The following SERPINB3 variants were observed in gnomAD, a reference collection of about 807,000 sequenced individuals.
SERPINB3 encodes the protein serpin family B member 3.
In SERPINB3, 33 loss-of-function variants were observed where a neutral mutation model predicts 33.0. The observed-to-expected ratio is 1.00, with a 90% CI of 0.76 to 1.34. SERPINB3 has a LOEUF of 1.34. Among genes scored for constraint, SERPINB3 ranks in the 40% most tolerant of loss-of-function variants. SERPINB3 has a pLI of 0.00. For missense variants in SERPINB3, 518 were observed against 461.5 expected (o/e 1.12, Z -1.12); for synonymous variants, 200 against 170.9 (o/e 1.17, Z -1.33).
At chr18:63,660,647 G>A (rs1166616429) in intron 3 of SERPINB3, 153 bp downstream of exon 3, 2 of 805,436 alleles carry the variant, frequency 2.5e-6, no homozygotes, top group Admixed American at 2.4e-5. Context: ...TAATAATTAT[G>A]TGCCATGAAA....
At chr18:63,656,355 T>G (rs557720867) in intron 7 of SERPINB3, among the ~76,000 whole-genome samples, 1 of 152,308 alleles carries the variant, frequency 6.6e-6, no homozygotes, top group South Asian at 2.1e-4. Flanking sequence ...TACATTATTT[T>G]GTACACAATG....
intron 3 of SERPINB3, among the ~76,000 whole-genome samples, chr18:63,660,342 C>T (rs772451860): frequency 6.6e-6 from 1 of 152,072 alleles, no homozygotes; most frequent in Non-Finnish European, 1.5e-5. Flanking sequence ...TATTTTGCAA[C>T]ATTATTGTGA....
Position 63,659,464 on chromosome 18 carries a change from T to C in SERPINB3, c.286A>G (p.Thr96Ala), listed in dbSNP as rs1407061153. The C allele has an allele frequency of 3.7e-6, 6 of 1,613,482 alleles. No individual in the cohort carries two copies. The highest frequency in any genetic ancestry group is 4.5e-5 in the East Asian group (2 of 44,880). Residue 96 changes from threonine (T) to alanine (A), a missense_variant, in exon 4 of 8, where the codon ACT becomes GCT. Thr to Ala is a moderately conservative substitution (Grantham distance 58, BLOSUM62 0). Transcript: ENST00000283752. ...GCGATCTTCAGCTCATATGCATCAG[T>C]GGATTTGTTGAATTCAGTCAGAAGC... ...QKLLTEFNKS[T>A]DAYELKIANK... is the part of the protein sequence containing the mutation.
chr18:63,657,799 G>T (rs1323036084), intron 5 of SERPINB3, among the ~76,000 whole-genome samples: 2 of 146,954 alleles, frequency 1.4e-5, no homozygotes, highest in Non-Finnish European at 3.0e-5. Context: ...TAACTACGGG[G>T]TCCCCATTCA....
At chr18:63,656,398 G>A (rs1913496604) in intron 7 of SERPINB3, among the ~76,000 whole-genome samples, 1 of 152,076 alleles carries the variant, frequency 6.6e-6, no homozygotes, top group Non-Finnish European at 1.5e-5. Context: ...TGTGCCAACA[G>A]CCTACTACAT....
At chr18:63,659,609 C>T in intron 3 of SERPINB3, 82 bp from the exon 4 acceptor site, 1 of 1,582,660 alleles carries the variant, frequency 6.3e-7, no homozygotes, top group Non-Finnish European at 8.6e-7. Context: ...TAGATCAGTC[C>T]CTAATGGCTG....
At chr18:63,657,086 C>A in intron 6 of SERPINB3, 100 bp from the exon 7 acceptor site, 1 of 1,140,412 alleles carries the variant, frequency 8.8e-7, no homozygotes. Flanking sequence ...AGAAATAATC[C>A]AAGAATGTAA....
intron 4 of SERPINB3, 44 bp downstream of exon 4, chr18:63,659,355 A>C: frequency 6.3e-7 from 1 of 1,593,184 alleles, no homozygotes; most frequent in Non-Finnish European, 8.6e-7. Flanking sequence ...AGAGACACAG[A>C]CATCAGGATG....
chr18:63,657,841 A>G (rs1277483766), intron 5 of SERPINB3, among the ~76,000 whole-genome samples: 1 of 151,372 alleles, frequency 6.6e-6, no homozygotes, highest in South Asian at 2.1e-4. Context: ...TTTTTAGGAC[A>G]AGTGACATGA....
At position 63,656,689 on chromosome 18, in the gene SERPINB3, A is replaced by G. The variant is rs1198412106; in HGVS notation, c.768+142T>C. 6 of 969,426 alleles carry G rather than the reference A, an allele frequency of 6.2e-6. No individual in the cohort carries two copies. The South Asian group carries it at 8.7e-5, about 14-fold the overall frequency. The allele number at this position is 969,426 out of a possible 1,614,324, so 60.1% of individuals were successfully genotyped here. The stretch of plus-strand genomic sequence containing the variant: ...GGCCCTATGCTTAAATCTTTGTAAT[A>G]TGAAGGTGAGTCATCATTCCTCATT... On this transcript the variant is annotated intron_variant, in intron 7 of 7. Coordinates refer to ENST00000283752, the MANE Select transcript of SERPINB3 (RefSeq NM_006919.3).
chr18:63,657,099 A>C, intron 6 of SERPINB3, 113 bp from the exon 7 acceptor site: 1 of 1,038,676 alleles, frequency 9.6e-7, no homozygotes, highest in South Asian at 2.2e-5. Flanking sequence ...GAATGTAATG[A>C]GTTAGAGACA....
chr18:63,655,492 A>G lies in SERPINB3; in HGVS notation c.*165T>C. The G allele has an allele frequency of 6.6e-6, 5 of 752,144 alleles. No individual in the cohort carries two copies. The highest frequency in any genetic ancestry group is 1.1e-5 in the Non-Finnish European group (5 of 475,326). The allele number at this position is 752,144 out of a possible 1,614,324, so 46.6% of individuals were successfully genotyped here. On this transcript the variant is annotated 3_prime_UTR_variant, in exon 8 of 8. Coordinates refer to ENST00000283752, the MANE Select transcript of SERPINB3 (RefSeq NM_006919.3). Reference sequence around the variant, plus strand: ...TATGTGGGCTTATTAAGAGAAAGAGAGAAAGGCATGCTATTTTAATCATTA... The same window carrying G: ...TATGTGGGCTTATTAAGAGAAAGAGGGAAAGGCATGCTATTTTAATCATTA...
At chr18:63,657,080 A>G in intron 6 of SERPINB3, 94 bp from the exon 7 acceptor site, 1 of 1,167,298 alleles carries the variant, frequency 8.6e-7, no homozygotes, top group Non-Finnish European at 1.2e-6. Flanking sequence ...CTTTTAAGAA[A>G]TAATCCAAGA....
In SERPINB3 at chr18:63,657,082, A is replaced by T; in HGVS notation, c.613-96T>A. ...TCAACACATCCTTCTTTTAAGAAAT[A>T]ATCCAAGAATGTAATGAGTTAGAGA... On this transcript the variant is annotated intron_variant, in intron 6 of 7. Coordinates refer to ENST00000283752, the MANE Select transcript of SERPINB3 (RefSeq NM_006919.3). 2.6e-6 allele frequency: 3 copies of T among 1,159,034 alleles called. No homozygotes were observed. The South Asian group carries it at 5.8e-5, about 22-fold the overall frequency. The allele number at this position is 1,159,034 out of a possible 1,614,324, so 71.8% of individuals were successfully genotyped here.
chr18:63,658,782 T>C (rs917583233), intron 4 of SERPINB3, 152 bp from the exon 5 acceptor site: 1 of 650,122 alleles, frequency 1.5e-6, no homozygotes, highest in Admixed American at 3.0e-5. Context: ...ACTGGTGCCA[T>C]GTAGGCAATG....
chr18:63,660,285 T>G (rs1913607367), intron 3 of SERPINB3, among the ~76,000 whole-genome samples: 1 of 152,196 alleles, frequency 6.6e-6, no homozygotes, highest in African/African-American at 2.4e-5. Context: ...ATAGTTGGAC[T>G]TGTGCTTATT....
chr18:63,655,925 A>G lies in SERPINB3; in HGVS notation c.905T>C (p.Met302Thr), dbSNP rs111333643. 1 of 1,613,934 alleles carries G rather than the reference A, an allele frequency of 6.2e-7. No individual in the cohort carries two copies. Among genetic ancestry groups the G allele is most frequent in the South Asian group, 1.1e-5 (1 of 91,068 alleles). ...CCCATTGAAGATATCCACCATTCCC[A>G]TGGTTCTCAACGTGTCCTTGAGGTC... Reference protein sequence around the residue: ...SYDLKDTLRTMGMVDIFNGDA... With the variant: ...SYDLKDTLRTTGMVDIFNGDA... Residue 302 changes from methionine to threonine, a missense_variant, in exon 8 of 8, where the codon ATG (methionine) becomes ACG (threonine). Physicochemically the swap from Met to Thr is moderately conservative, Grantham distance 81. Coordinates refer to ENST00000283752, the MANE Select transcript of SERPINB3 (RefSeq NM_006919.3).
rs772602164 is a variant in SERPINB3 at position 63,656,067 on chromosome 18, C to T, written c.769-6G>A. ...GCAGTGAGTTTCTCTTCAAGCTATA[C>T]AAATGGAAAAAAGAAACTGATATGA... On this transcript the variant is annotated splice_polypyrimidine_tract_variant and splice_region_variant and intron_variant, in intron 7 of 7. Coordinates refer to ENST00000283752, the MANE Select transcript of SERPINB3 (RefSeq NM_006919.3). 1.2e-6 allele frequency: 2 copies of T among 1,607,758 alleles called. No homozygotes were observed. Among genetic ancestry groups the T allele is most frequent in the South Asian group, 2.2e-5 (2 of 90,516 alleles).
intron 5 of SERPINB3, 57 bp downstream of exon 5, chr18:63,658,456 T>C (rs1198878843): frequency 1.4e-5 from 20 of 1,460,058 alleles, no homozygotes; most frequent in African/African-American, 4.2e-5. Flanking sequence ...GTTTCAGGCA[T>C]AGGGCTCACT....
Sources: allele counts gnomAD v4.1 joint callset (sites outside exome capture counted in the v4.1 genomes callset), GRCh38; gene constraint gnomAD v4.1.1; transcripts MANE v1.5; gene names NCBI Gene and HGNC (gene_info 2026-07-23, HGNC 2026-07-21).